MTUS2: variants seen among roughly 807,000 people sequenced by gnomAD.
The protein encoded by MTUS2 is microtubule-associated tumor suppressor candidate 2.
Under a neutral mutation model 114.1 loss-of-function variants are expected in MTUS2, and 40 were observed. That is an observed-to-expected ratio of 0.35 (90% CI 0.27 to 0.46). MTUS2 has a LOEUF of 0.46. Ranked by LOEUF, MTUS2 falls within the 20% of genes least tolerant of loss-of-function variation. The probability of loss-of-function intolerance (pLI) is 1.00; values close to 1 mark genes in which losing one functional copy is unlikely to be tolerated. For missense variants in MTUS2, 1,679 were observed against 1,705.4 expected (o/e 0.98, Z 0.27); for synonymous variants, 688 against 672.0 (o/e 1.02, Z -0.37).
At chr13:29,336,316 T>A (rs1901060531) in intron 7 of MTUS2, among the ~76,000 whole-genome samples, 1 of 152,170 alleles carries the variant, frequency 6.6e-6, no homozygotes, top group Admixed American at 6.5e-5. Flanking sequence ...GACCTTCCGA[T>A]GGGGTTTTTG....
intron 2 of MTUS2, among the ~76,000 whole-genome samples, chr13:29,005,539 C>T (rs1885566108): frequency 6.6e-6 from 1 of 151,992 alleles, no homozygotes; most frequent in Non-Finnish European, 1.5e-5. Context: ...GGAGAGGAGT[C>T]GGGAGGAAGC....
intron 4 of MTUS2, among the ~76,000 whole-genome samples, chr13:29,034,506 A>G (rs1362746332): frequency 1.3e-5 from 2 of 152,220 alleles, no homozygotes. Context: ...GTGTCGAGAC[A>G]GAGAGAAGGT....
At chr13:29,094,327 G>A (rs1405772330) in intron 4 of MTUS2, among the ~76,000 whole-genome samples, 2 of 128,594 alleles carry the variant, frequency 1.6e-5, no homozygotes, top group African/African-American at 5.7e-5. Flanking sequence ...TCTGTGCCTG[G>A]ATTTTTCTTT....
chr13:28,999,943 G>T (rs1449342453), intron 2 of MTUS2, among the ~76,000 whole-genome samples: 1 of 152,172 alleles, frequency 6.6e-6, no homozygotes, highest in African/African-American at 2.4e-5. Context: ...TGTTGCAAAT[G>T]ACAGTATTTC....
At position 29,025,663 on chromosome 13, in the gene MTUS2, A is replaced by G. The variant is rs1443996368; in HGVS notation, c.965A>G (p.Gln322Arg). 36 of 1,614,064 alleles carry G rather than the reference A, an allele frequency of 2.2e-5. No individual in the cohort carries two copies. Among genetic ancestry groups the G allele is most frequent in the Non-Finnish European group, 3.1e-5 (36 of 1,179,900 alleles). Reference protein sequence around the residue: ...LKYVPPRRVEQEGKAAQEGYL... With the variant: ...LKYVPPRRVEREGKAAQEGYL... ...TATGTTCCTCCCAGGAGAGTTGAAC[A>G]GGAGGGAAAGGCAGCCCAGGAAGGG... Residue 322 changes from glutamine to arginine, a missense_variant, in exon 3 of 16, where the codon CAG (glutamine) becomes CGG (arginine). Physicochemically the swap from Gln to Arg is conservative, Grantham distance 43. Around this residue, in one of 3 missense-constraint regions of MTUS2, gnomAD observed 843 missense variants for 770.8 expected, o/e 1.09. Coordinates refer to ENST00000612955, the MANE Select transcript of MTUS2 (RefSeq NM_001033602.4).
chr13:28,931,681 G>A (rs1443224111), intron 2 of MTUS2, among the ~76,000 whole-genome samples: 1 of 150,428 alleles, frequency 6.6e-6, no homozygotes, highest in African/African-American at 2.4e-5. Context: ...TATTGTATTA[G>A]GTATTTTTTT....
intron 5 of MTUS2, among the ~76,000 whole-genome samples, chr13:29,234,060 G>T (rs571152902): frequency 1.3e-5 from 2 of 152,096 alleles, no homozygotes; most frequent in Non-Finnish European, 2.9e-5. Flanking sequence ...CATGATTTTT[G>T]CCCTGCAGTA....
intron 6 of MTUS2, chr13:29,306,945 C>A: frequency 7.3e-6 from 4 of 544,936 alleles, no homozygotes; most frequent in South Asian, 5.5e-5. Flanking sequence ...ATGGCAAATT[C>A]CATGGCACTG....
chr13:29,259,910 A>C (rs2139459588), intron 5 of MTUS2, among the ~76,000 whole-genome samples: 1 of 152,276 alleles, frequency 6.6e-6, no homozygotes, highest in African/African-American at 2.4e-5. Flanking sequence ...TACAAATGAG[A>C]ACACAGGTTG....
chr13:28,908,375 A>C (rs1880187055), intron 2 of MTUS2, among the ~76,000 whole-genome samples: 1 of 151,398 alleles, frequency 6.6e-6, no homozygotes, highest in African/African-American at 2.4e-5. Context: ...CCCACCTATG[A>C]GTGAGAACAT....
intron 6 of MTUS2, among the ~76,000 whole-genome samples, chr13:29,284,424 T>G (rs1898396880): frequency 6.6e-6 from 1 of 151,484 alleles, no homozygotes; most frequent in Admixed American, 6.6e-5. Flanking sequence ...ATGATGGCCT[T>G]CAGGGTGAAA....
At chr13:29,345,692 T>G (rs1868599748) in intron 7 of MTUS2, among the ~76,000 whole-genome samples, 1 of 152,108 alleles carries the variant, frequency 6.6e-6, no homozygotes, top group South Asian at 2.1e-4. Context: ...CAATTGCTAG[T>G]GAGATAGTGT....
At chr13:29,036,116 CCTGGGCCACAG>C (rs1387072375) in intron 4 of MTUS2, among the ~76,000 whole-genome samples, 4 of 144,912 alleles carry the variant, frequency 2.8e-5, no homozygotes, top group African/African-American at 1.0e-4. Context: ...TGCACTCCAG[CCTGGGCCACAG>C]AGTGAGACTG....
At position 29,025,629 on chromosome 13, in the gene MTUS2, G is replaced by A; in HGVS notation, c.931G>A (p.Asp311Asn). Residue 311 changes from aspartate to asparagine, a missense_variant, in exon 3 of 16, where the codon GAT becomes AAT. Physicochemically the swap from Asp to Asn is conservative, Grantham distance 23. Around this residue, in one of 3 missense-constraint regions of MTUS2, gnomAD observed 843 missense variants for 770.8 expected, o/e 1.09. Coordinates refer to ENST00000612955, the MANE Select transcript of MTUS2 (RefSeq NM_001033602.4). ...TCAGGGAAAGGGAGAGGCCAAGCTG[G>A]ATCTGAAATATGTTCCTCCCAGGAG... Reference protein sequence around the residue: ...LGQGKGEAKLDLKYVPPRRVE... With the variant: ...LGQGKGEAKLNLKYVPPRRVE... The A allele has an allele frequency of 1.2e-6, 2 of 1,614,046 alleles. No homozygotes were observed. Among genetic ancestry groups the A allele is most frequent in the Admixed American group, 3.3e-5 (2 of 60,030 alleles).
intron 5 of MTUS2, among the ~76,000 whole-genome samples, chr13:29,203,749 C>T (rs1019725627): frequency 6.6e-6 from 1 of 150,956 alleles, no homozygotes; most frequent in Admixed American, 6.6e-5. Flanking sequence ...CGGTACAGTC[C>T]CTCATGGCTT....
Position 28,882,344 on chromosome 13 carries a change from G to A in MTUS2, c.-243+42494G>A, listed in dbSNP as rs75981303. On this transcript the variant is annotated intron_variant, in intron 2 of 15. Coordinates refer to ENST00000612955, the MANE Select transcript of MTUS2 (RefSeq NM_001033602.4). ...GTTACAGGTGTGAGCCACCACGCCC[G>A]GCCAAAAATTATTTCAAAATTGATC... 5.2e-4 allele frequency among the ~76,000 whole-genome samples: 79 copies of A among 152,068 alleles called. 4 individuals carry two copies. In the East Asian group the frequency reaches 0.01, roughly 20 times the overall value.
intron 4 of MTUS2, among the ~76,000 whole-genome samples, chr13:29,035,052 A>G (rs1249172387): frequency 6.6e-6 from 1 of 152,220 alleles, no homozygotes; most frequent in Non-Finnish European, 1.5e-5. Context: ...ACCGTGATAC[A>G]GACAGGCAGA....
In MTUS2 at chr13:29,010,924, GA is replaced by G. The variant is rs556971219; in HGVS notation, c.-242-13532del. On this transcript the variant is annotated intron_variant, in intron 2 of 15. Transcript: ENST00000612955. ...TGCAGTCCTGGAGAGCTGCCCCTGG[GA>G]GAGGTGCCCCTGGAGTCAGGAGCCT... Among the ~76,000 whole-genome samples, 41 of 152,214 alleles carry G rather than the reference GA, an allele frequency of 2.7e-4. No homozygotes were observed. In the East Asian group the frequency reaches 7.8e-3, roughly 29 times the overall value.
chr13:29,469,292 G>A (rs926023752), intron 9 of MTUS2, among the ~76,000 whole-genome samples: 1 of 152,040 alleles, frequency 6.6e-6, no homozygotes, highest in Non-Finnish European at 1.5e-5. Context: ...TCTCTTTATC[G>A]GGAAACTCTG....
Sources: allele counts gnomAD v4.1 joint callset (sites outside exome capture counted in the v4.1 genomes callset), GRCh38; gene constraint gnomAD v4.1.1; regional missense constraint gnomAD v4.1.1; transcripts MANE v1.5; gene names NCBI Gene and HGNC (gene_info 2026-07-23, HGNC 2026-07-21).